The following BLM variants were observed in gnomAD, a reference collection of about 807,000 sequenced individuals.
BLM encodes recQ-like DNA helicase BLM.
In BLM, 95 loss-of-function variants were observed where a neutral mutation model predicts 135.3. That is an observed-to-expected ratio of 0.70 (90% CI 0.59 to 0.83). The LOEUF (loss-of-function observed/expected upper bound fraction) is 0.83, where lower values mean the gene tolerates loss of function less well. Ranked by LOEUF, BLM falls within the 40% of genes least tolerant of loss-of-function variation. The pLI, the probability that BLM is intolerant of heterozygous loss-of-function variation, is 0.00. For synonymous variants in BLM, 520 were observed against 589.2 expected (o/e 0.88, Z 1.70); for missense variants, 1,518 against 1,663.9 (o/e 0.91, Z 1.53).
chr15:90,719,847 C>T (rs1318533455), intron 1 of BLM, among the ~76,000 whole-genome samples: 2 of 152,082 alleles, frequency 1.3e-5, no homozygotes, highest in Non-Finnish European at 2.9e-5. Flanking sequence ...GTGCTGAAAG[C>T]CCCTAAGGGT....
chr15:90,780,239 C>T (rs1276380995), intron 12 of BLM, among the ~76,000 whole-genome samples: 1 of 152,102 alleles, frequency 6.6e-6, no homozygotes, highest in Non-Finnish European at 1.5e-5. Flanking sequence ...CACGTGCCAC[C>T]ATGCCTGGCT....
At position 90,803,670 on chromosome 15, in the gene BLM, T is replaced by G; in HGVS notation, c.3508T>G (p.Tyr1170Asp). 1 of 1,614,192 alleles carries G rather than the reference T, an allele frequency of 6.2e-7. No individual in the cohort carries two copies. Among genetic ancestry groups the G allele is most frequent in the Non-Finnish European group, 8.5e-7 (1 of 1,180,020 alleles). ...CAATGCCAATGACCAGGCGATCGCT[T>G]ATGTGATGCTCGGAAATAAAGCCCA... ...YINANDQAIAYVMLGNKAQTV... is the reference protein window; with the variant it reads ...YINANDQAIADVMLGNKAQTV... The change falls in exon 18 of 22, where the codon TAT (tyrosine) becomes GAT (aspartate). Residue 1170 changes from tyrosine to aspartate, a missense_variant. Physicochemically the swap from Tyr to Asp is radical, Grantham distance 160. This residue lies in a region of BLM where 626 missense variants were observed against 681.1 expected (regional missense o/e 0.92). Coordinates refer to ENST00000355112, the MANE Select transcript of BLM (RefSeq NM_000057.4).
chr15:90,789,147 CA>C (rs1251083937), intron 14 of BLM, among the ~76,000 whole-genome samples: 2 of 151,890 alleles, frequency 1.3e-5, no homozygotes, highest in Non-Finnish European at 2.9e-5. Context: ...TCCTTACAGT[CA>C]GCATGTAATA....
intron 12 of BLM, among the ~76,000 whole-genome samples, chr15:90,773,247 C>T (rs113201773): frequency 0.029 from 4,477 of 152,018 alleles, 176 homozygotes; most frequent in African/African-American, 0.086. Flanking sequence ...TGTTGAAACC[C>T]CATCTCTACT....
intron 1 of BLM, among the ~76,000 whole-genome samples, chr15:90,734,652 T>TAC (rs887111562): frequency 1.3e-4 from 15 of 118,170 alleles, no homozygotes; most frequent in African/African-American, 4.0e-4. Flanking sequence ...CACGCACACA[T>TAC]ACACACACAC....
chr15:90,728,364 A>T (rs1053655360), intron 1 of BLM, among the ~76,000 whole-genome samples: 2 of 151,052 alleles, frequency 1.3e-5, no homozygotes, highest in Admixed American at 1.3e-4. Context: ...TCAAGGACAT[A>T]ATTTGTTAGA....
chr15:90,790,681 G>A lies in BLM; in HGVS notation c.2856G>A (p.Gly952=), dbSNP rs140559841. 17 of 1,614,042 alleles carry A rather than the reference G, an allele frequency of 1.1e-5. No homozygotes were observed. The African/African-American group carries it at 2.1e-4, about 20-fold the overall frequency. ...GTGCTACAATTGCATTTGGAATGGGGATTGACAAACCGGACGTGCGATTTG... is the reference window on the plus strand; with the variant it reads ...GTGCTACAATTGCATTTGGAATGGGAATTGACAAACCGGACGTGCGATTTG... The part of the protein sequence containing the change: ...VICATIAFGM[G]IDKPDVRFVI... Residue 952 remains glycine, a synonymous_variant, in exon 15 of 22, where the codon GGG becomes GGA. Coordinates refer to ENST00000355112, the MANE Select transcript of BLM (RefSeq NM_000057.4).
chr15:90,795,336 C>T (rs147734624), intron 16 of BLM, among the ~76,000 whole-genome samples: 66 of 152,094 alleles, frequency 4.3e-4, no homozygotes, highest in African/African-American at 3.1e-4. Context: ...CAAAATTGGT[C>T]GGCTGTGGTG....
At chr15:90,805,624 TAA>T (rs2151196086) in intron 19 of BLM, among the ~76,000 whole-genome samples, 1 of 148,084 alleles carries the variant, frequency 6.8e-6, no homozygotes, top group East Asian at 2.1e-4. Flanking sequence ...CCGTCTCTAC[TAA>T]AAATACAAAA....
At chr15:90,770,587 A>G (rs980783707) in intron 12 of BLM, among the ~76,000 whole-genome samples, 3 of 152,212 alleles carry the variant, frequency 2.0e-5, no homozygotes, top group African/African-American at 7.2e-5. Flanking sequence ...TTTATTTAAC[A>G]ACTGTTGTGT....
chr15:90,776,982 G>GGTTTT (rs142676491), intron 12 of BLM, among the ~76,000 whole-genome samples: 167 of 151,728 alleles, frequency 1.1e-3, no homozygotes, highest in African/African-American at 3.9e-3. Context: ...TTTCTTTGTG[G>GGTTTT]GTTTTGTTTT....
Position 90,739,223 on chromosome 15 carries a change from G to A in BLM, c.-4-8166G>A, listed in dbSNP as rs1003368273. Reference sequence around the variant, plus strand: ...AGCCTGGCCAACATGGTGAAACCCCGTCTCTACTAAAAATACAAAACAGAA... The same window carrying A: ...AGCCTGGCCAACATGGTGAAACCCCATCTCTACTAAAAATACAAAACAGAA... On this transcript the variant is annotated intron_variant, in intron 1 of 21. Coordinates refer to ENST00000355112, the MANE Select transcript of BLM (RefSeq NM_000057.4). 5.3e-5 allele frequency among the ~76,000 whole-genome samples: 8 copies of A among 152,058 alleles called. No homozygotes were observed. In the East Asian group the frequency reaches 5.8e-4, roughly 11 times the overall value.
intron 19 of BLM, 102 bp downstream of exon 19, chr15:90,804,461 T>C (rs1897242135): frequency 7.5e-7 from 1 of 1,335,786 alleles, no homozygotes; most frequent in Non-Finnish European, 1.1e-6. Context: ...CAGTGGTTTG[T>C]TTCTTTTTGG....
At chr15:90,768,361 T>A (rs1432711597) in intron 10 of BLM, among the ~76,000 whole-genome samples, 2 of 152,240 alleles carry the variant, frequency 1.3e-5, no homozygotes, top group African/African-American at 4.8e-5. Flanking sequence ...GACATCTCTC[T>A]CAAGCTGGCT....
intron 1 of BLM, among the ~76,000 whole-genome samples, chr15:90,718,439 T>G (rs1894667110): frequency 6.6e-6 from 1 of 152,226 alleles, no homozygotes; most frequent in African/African-American, 2.4e-5. Context: ...GACAGCTCCT[T>G]GTGCCACCCA....
intron 20 of BLM, among the ~76,000 whole-genome samples, chr15:90,810,370 C>T (rs899640547): frequency 2.6e-5 from 4 of 152,210 alleles, no homozygotes; most frequent in African/African-American, 9.6e-5. Context: ...CTCCTAAATT[C>T]TTCTATATGG....
chr15:90,807,691 C>T (rs1056930213), intron 19 of BLM, among the ~76,000 whole-genome samples: 2 of 152,224 alleles, frequency 1.3e-5, no homozygotes, highest in African/African-American at 2.4e-5. Context: ...TGAGCTACCA[C>T]GCTCAGCCAG....
In BLM at chr15:90,787,571, C is replaced by T. The variant is rs1010102194; in HGVS notation, c.2823+2490C>T. On this transcript the variant is annotated intron_variant, in intron 14 of 21. Coordinates refer to ENST00000355112, the MANE Select transcript of BLM (RefSeq NM_000057.4). ...TTTAGAGGATATCAGTTTAGTATCC[C>T]GAGAAAGATATAAGAAGACTTAATA... Among the ~76,000 whole-genome samples, 8 of 151,890 alleles carry T rather than the reference C, an allele frequency of 5.3e-5. No homozygotes were observed. The East Asian group carries it at 1.5e-3, about 29-fold the overall frequency.
At position 90,724,699 on chromosome 15, in the gene BLM, C is replaced by T. The variant is rs368700022; in HGVS notation, c.-5+7259C>T. 3.9e-5 allele frequency among the ~76,000 whole-genome samples: 6 copies of T among 152,194 alleles called. No individual in the cohort carries two copies. The East Asian group carries it at 5.8e-4, about 15-fold the overall frequency. On this transcript the variant is annotated intron_variant, in intron 1 of 21. Coordinates refer to ENST00000355112, the MANE Select transcript of BLM (RefSeq NM_000057.4). ...AGCCAGCTGGAAGAAATACACAGGA[C>T]AAGGTATGTGGGAAGGGGTGTGGCA... is the stretch of plus-strand genomic sequence containing the variant.
Sources: allele counts gnomAD v4.1 joint callset (sites outside exome capture counted in the v4.1 genomes callset), GRCh38; gene constraint gnomAD v4.1.1; regional missense constraint gnomAD v4.1.1; transcripts MANE v1.5; gene names NCBI Gene and HGNC (gene_info 2026-07-23, HGNC 2026-07-21).